Variants in IL1RAPL1 observed in about 807,000 individuals in gnomAD.
The protein encoded by IL1RAPL1 is interleukin 1 receptor accessory protein like 1, also known as interleukin-1 receptor accessory protein-like 1.
Under a neutral mutation model 48.4 loss-of-function variants are expected in IL1RAPL1, and 3 were observed. The observed-to-expected ratio is 0.06, with a 90% CI of 0.03 to 0.16. The LOEUF is 0.16. IL1RAPL1 is among the 10% of genes least tolerant of loss of function. The probability of loss-of-function intolerance (pLI) is 1.00; values close to 1 mark genes in which losing one functional copy is unlikely to be tolerated. For synonymous variants in IL1RAPL1, 185 were observed against 187.7 expected (o/e 0.99, Z 0.12); for missense variants, 349 against 530.6 (o/e 0.66, Z 3.36).
chrX:28,911,597 G>C (rs903292661), intron 2 of IL1RAPL1, among the ~76,000 whole-genome samples: 1 of 110,742 alleles, frequency 9.0e-6, no homozygotes, highest in South Asian at 3.9e-4. Context: ...TTTATACCAA[G>C]TACTTATCAC....
chrX:29,201,007 G>T (rs866453404), intron 2 of IL1RAPL1, among the ~76,000 whole-genome samples: 1 of 110,577 alleles, frequency 9.0e-6, no homozygotes, highest in Non-Finnish European at 1.9e-5. Context: ...AGGCTCCAGT[G>T]TGTGTTGTTC....
intron 1 of IL1RAPL1, among the ~76,000 whole-genome samples, chrX:28,729,841 C>G (rs1194392604): frequency 9.1e-6 from 1 of 110,273 alleles, no homozygotes; most frequent in South Asian, 3.9e-4. Context: ...ACTAAAAATA[C>G]AAAAATTAGC....
chrX:28,779,048 G>T, intron 1 of IL1RAPL1, among the ~76,000 whole-genome samples: 1 of 111,857 alleles, frequency 8.9e-6, no homozygotes, highest in Non-Finnish European at 1.9e-5. Flanking sequence ...TGCATAGCTA[G>T]TAAGAAGTCG....
chrX:29,680,481 G>A (rs938208595), intron 6 of IL1RAPL1, among the ~76,000 whole-genome samples: 1 of 110,961 alleles, frequency 9.0e-6, no homozygotes, highest in Non-Finnish European at 1.9e-5. Flanking sequence ...TTGGCTCAGT[G>A]GCTGTTGTGT....
intron 5 of IL1RAPL1, among the ~76,000 whole-genome samples, chrX:29,511,567 T>G (rs1935393635): frequency 8.9e-6 from 1 of 112,039 alleles, no homozygotes; most frequent in African/African-American, 3.2e-5. Context: ...AGCCATATAT[T>G]TCTTACCAAG....
chrX:29,594,045 A>G (rs1320357325), intron 5 of IL1RAPL1, among the ~76,000 whole-genome samples: 2 of 112,622 alleles, frequency 1.8e-5, no homozygotes, highest in Non-Finnish European at 3.7e-5. Flanking sequence ...GTTGGCAGCA[A>G]TCGTTGTGAA....
At chrX:29,732,214 G>A (rs1482427034) in intron 6 of IL1RAPL1, among the ~76,000 whole-genome samples, 1 of 111,813 alleles carries the variant, frequency 8.9e-6, no homozygotes, top group African/African-American at 3.3e-5. Context: ...AAGACAGTGA[G>A]ACATTAGTCT....
intron 2 of IL1RAPL1, among the ~76,000 whole-genome samples, chrX:28,887,176 C>T (rs1922654798): frequency 9.0e-6 from 1 of 110,814 alleles, no homozygotes; most frequent in Non-Finnish European, 1.9e-5. Context: ...ATGAAGGCTC[C>T]TCCTGTGTGA....
At position 28,949,894 on chromosome X, in the gene IL1RAPL1, G is replaced by A. The variant is rs754360777; in HGVS notation, c.82+160469G>A. On this transcript the variant is annotated intron_variant, in intron 2 of 10. Transcript: ENST00000378993. Reference sequence around the variant, plus strand: ...TTTTCTCCCATTTTGTAGGTTGCCCGTTCACTCTGATGGTAGTTTCTTTTG... The same window carrying A: ...TTTTCTCCCATTTTGTAGGTTGCCCATTCACTCTGATGGTAGTTTCTTTTG... 1.0e-4 allele frequency among the ~76,000 whole-genome samples: 11 copies of A among 109,980 alleles called. No homozygotes were observed. In the South Asian group the frequency reaches 1.9e-3, roughly 19 times the overall value.
chrX:29,614,979 AT>A (rs1924239097), intron 5 of IL1RAPL1, among the ~76,000 whole-genome samples: 1 of 110,401 alleles, frequency 9.1e-6, no homozygotes, highest in Non-Finnish European at 1.9e-5. Context: ...AAAAAAAAAA[AT>A]CTTTACAATA....
intron 3 of IL1RAPL1, among the ~76,000 whole-genome samples, chrX:29,349,438 T>G (rs886568653): frequency 7.2e-5 from 8 of 111,444 alleles, no homozygotes; most frequent in African/African-American, 2.6e-4. Flanking sequence ...ATGACCTGCC[T>G]TGGGGAAGAG....
intron 2 of IL1RAPL1, among the ~76,000 whole-genome samples, chrX:28,792,849 AT>A (rs1936567076): frequency 1.6e-5 from 1 of 61,339 alleles, no homozygotes; most frequent in Admixed American, 1.8e-4. Context: ...ATATATATAT[AT>A]AAAAAATAAG....
At chrX:28,842,169 G>T (rs1253795625) in intron 2 of IL1RAPL1, among the ~76,000 whole-genome samples, 1 of 110,497 alleles carries the variant, frequency 9.1e-6, no homozygotes, top group Non-Finnish European at 1.9e-5. Flanking sequence ...GTTTACCTAT[G>T]CATGTACTTC....
intron 5 of IL1RAPL1, among the ~76,000 whole-genome samples, chrX:29,542,893 C>T (rs1268255718): frequency 1.8e-5 from 2 of 111,727 alleles, no homozygotes; most frequent in East Asian, 2.8e-4. Flanking sequence ...ATTACTTTAA[C>T]GCTTGATTTG....
At chrX:29,745,764 A>G (rs1445540533) in intron 6 of IL1RAPL1, among the ~76,000 whole-genome samples, 1 of 110,530 alleles carries the variant, frequency 9.0e-6, no homozygotes, top group Admixed American at 9.7e-5. Context: ...TTAATTTTTA[A>G]GTAGCTTTGG....
intron 6 of IL1RAPL1, among the ~76,000 whole-genome samples, chrX:29,872,116 A>C (rs888029963): frequency 8.9e-6 from 1 of 112,044 alleles, no homozygotes; most frequent in African/African-American, 3.3e-5. Context: ...AAGAAGAAGA[A>C]TACATACCAT....
chrX:29,864,104 C>T (rs1256093863), intron 6 of IL1RAPL1, among the ~76,000 whole-genome samples: 1 of 112,433 alleles, frequency 8.9e-6, no homozygotes, highest in Admixed American at 9.4e-5. Context: ...GCTTCTAATT[C>T]AGTAAATGTG....
At position 29,284,509 on chromosome X, in the gene IL1RAPL1, G is replaced by A. The variant is rs1037079789; in HGVS notation, c.362+1292G>A. Among the ~76,000 whole-genome samples, 4 of 112,225 alleles carry A rather than the reference G, an allele frequency of 3.6e-5. No individual in the cohort carries two copies. The Admixed American group carries it at 3.8e-4, about 11-fold the overall frequency. On this transcript the variant is annotated intron_variant, in intron 3 of 10. Transcript: ENST00000378993. ...TGTAATCCCAGAACTTTGGGAGGCC[G>A]AGGCAGGCAGATCACTTTAGGCGAG...
intron 6 of IL1RAPL1, among the ~76,000 whole-genome samples, chrX:29,885,636 C>G (rs1932143678): frequency 9.0e-6 from 1 of 111,053 alleles, no homozygotes; most frequent in African/African-American, 3.3e-5. Context: ...CATAGTGAGA[C>G]CCTGTCTCTA....
Sources: gnomAD v4.1 joint callset for allele counts (sites outside exome capture counted in the v4.1 genomes callset) on GRCh38, gnomAD v4.1.1 for gene constraint, MANE v1.5 for transcripts, NCBI Gene and HGNC (gene_info 2026-07-23, HGNC 2026-07-21) for gene names.